ACBD4: variants seen among roughly 807,000 people sequenced by gnomAD.
The protein encoded by ACBD4 is acyl-CoA-binding domain-containing protein 4.
Under a neutral mutation model 46.0 loss-of-function variants are expected in ACBD4, and 41 were observed. The ratio of observed to expected loss-of-function variants is 0.89; its 90% CI spans 0.69 to 1.16. The LOEUF (loss-of-function observed/expected upper bound fraction) is 1.16, where lower values mean the gene tolerates loss of function less well. Ranked by LOEUF, ACBD4 falls within the 50% of genes most tolerant of loss-of-function variation. ACBD4 has a pLI of 0.00. For missense variants in ACBD4, 393 were observed against 399.5 expected, an observed-to-expected ratio of 0.98 and a Z score of 0.14; for synonymous variants, 162 against 155.9, an observed-to-expected ratio of 1.04 and a Z score of -0.29.
At chr17:45,142,337 G>A (rs2055327603) in intron 9 of ACBD4, among the ~76,000 whole-genome samples, 2 of 118,028 alleles carry the variant, frequency 1.7e-5, no homozygotes, top group African/African-American at 6.5e-5. Context: ...AGGTTGCACT[G>A]AGCCGAGATC....
In ACBD4 at chr17:45,137,825, G is replaced by A. The variant is rs552925104; in HGVS notation, c.568G>A (p.Glu190Lys). 6.2e-7 allele frequency: 1 copy of A among 1,613,898 alleles called. No individual in the cohort carries two copies. The highest frequency in any genetic ancestry group is 1.3e-5 in the African/African-American group (1 of 75,022). Reference protein sequence around the residue: ...FCDSLEQLEPELVWTEQRAAS... With the variant: ...FCDSLEQLEPKLVWTEQRAAS... ...TGATTCCCTGGAGCAGCTGGAGCCT[G>A]AGCTGGTGAGCCCAGTCCCCATTCC... The change falls in exon 7 of 10, where the codon GAG (glutamate) becomes AAG (lysine). Residue 190 changes from glutamate (E) to lysine (K), a missense_variant. Coordinates refer to ENST00000321854, the MANE Select transcript of ACBD4 (RefSeq NM_001135705.3).
chr17:45,136,105 C>A lies in ACBD4; in HGVS notation c.-37-3C>A. ...CCCCTCACACGAAGGCTGCTTCTTG[C>A]AGAGTCGCTCAAAAGTAGGGCCCCA... is the stretch of plus-strand genomic sequence containing the variant. On this transcript the variant is annotated splice_region_variant and splice_polypyrimidine_tract_variant and intron_variant, in intron 1 of 9. Transcript: ENST00000321854. The A allele has an allele frequency of 6.2e-7, 1 of 1,605,414 alleles. No homozygotes were observed. Among genetic ancestry groups the A allele is most frequent in the Non-Finnish European group, 8.5e-7 (1 of 1,176,058 alleles).
chr17:45,132,519 CTT>C (rs2054479849), upstream of ACBD4: 1 of 434,376 alleles, frequency 2.3e-6, no homozygotes, highest in Middle Eastern at 1.1e-3. The surrounding 1 kb of genome is among the most constrained non-coding windows in gnomAD (Gnocchi z 4.6). Flanking sequence ...AGCGAAGAAA[CTT>C]AGCGGCGCGG....
At chr17:45,138,945 GC>G in intron 8 of ACBD4, 75 bp from the exon 9 acceptor site, 1 of 1,520,414 alleles carries the variant, frequency 6.6e-7, no homozygotes, top group Non-Finnish European at 9.0e-7. Context: ...TCCTGGGCTT[GC>G]CCCAGCCTGC....
chr17:45,135,183 C>T (rs1730895718), upstream of ACBD4, among the ~76,000 whole-genome samples: 2 of 152,172 alleles, frequency 1.3e-5, no homozygotes, highest in Admixed American at 1.3e-4. Flanking sequence ...CCCGGCTGGT[C>T]TCGAACTCCT....
chr17:45,131,792 G>T (rs933812019), upstream of ACBD4, among the ~76,000 whole-genome samples: 4 of 152,242 alleles, frequency 2.6e-5, no homozygotes, highest in African/African-American at 9.6e-5. Context: ...CGCCTCTGTG[G>T]GGCCGCGGCT....
At chr17:45,137,690 G>A in intron 6 of ACBD4, 70 bp from the exon 7 acceptor site, 1 of 1,555,260 alleles carries the variant, frequency 6.4e-7, no homozygotes, top group South Asian at 1.1e-5. Flanking sequence ...AGGTGCTTCT[G>A]CCCAGTGCAC....
At position 45,143,983 on chromosome 17, in the gene ACBD4, T is replaced by TGGGAGGCCGCGGGAGGGAGGCC. The variant is rs1176676588; in HGVS notation, c.*413_*434dup. The TGGGAGGCCGCGGGAGGGAGGCC allele has an allele frequency of 5.0e-6, 1 of 198,044 alleles. No homozygotes were observed. Among genetic ancestry groups the TGGGAGGCCGCGGGAGGGAGGCC allele is most frequent in the African/African-American group, 2.3e-5 (1 of 42,624 alleles). The allele number at this position is 198,044 out of a possible 1,614,324, so 12.3% of individuals were successfully genotyped here. On this transcript the variant is annotated 3_prime_UTR_variant, in exon 10 of 10. Coordinates refer to ENST00000321854, the MANE Select transcript of ACBD4 (RefSeq NM_001135705.3). ...GCCGGGGCCTGGAAGAATGATTGGC[T>TGGGAGGCCGCGGGAGGGAGGCC]GGGAGGCCGCGGGAGGGAGGCCAGG...
intron 5 of ACBD4, 83 bp from the exon 6 acceptor site, chr17:45,137,285 G>A (rs1288544132): frequency 4.4e-6 from 7 of 1,597,954 alleles, no homozygotes; most frequent in East Asian, 2.2e-5. Flanking sequence ...CAGCATCCAC[G>A]GCTCATCACG....
chr17:45,134,541 C>G (rs527791103), upstream of ACBD4, among the ~76,000 whole-genome samples: 190 of 152,306 alleles, frequency 1.2e-3, no homozygotes, highest in African/African-American at 4.2e-3. Context: ...CTTTGGGAGG[C>G]CGAGGTCGGC....
intron 9 of ACBD4, 43 bp downstream of exon 9, chr17:45,139,203 G>A (rs751488776): frequency 1.5e-5 from 24 of 1,607,070 alleles, no homozygotes; most frequent in African/African-American, 2.7e-5. Flanking sequence ...GGCAGAATCC[G>A]GTCTTTATTC....
chr17:45,134,525 C>A (rs566944272), upstream of ACBD4, among the ~76,000 whole-genome samples: 1 of 152,256 alleles, frequency 6.6e-6, no homozygotes, highest in South Asian at 2.1e-4. Context: ...GCCTGTAATC[C>A]CAACACTTTG....
upstream of ACBD4, among the ~76,000 whole-genome samples, chr17:45,131,787 C>T (rs2054452838): frequency 6.6e-6 from 1 of 152,248 alleles, no homozygotes; most frequent in South Asian, 2.1e-4. Context: ...GTGGCCGCCT[C>T]TGTGGGGCCG....
At chr17:45,138,311 A>C in intron 8 of ACBD4, 2 of 449,656 alleles carry the variant, frequency 4.4e-6, no homozygotes, top group South Asian at 2.9e-5. Context: ...TATTCTCTGG[A>C]CTCCCCCGTT....
At chr17:45,136,046 C>A in intron 1 of ACBD4, 62 bp from the exon 2 acceptor site, 3 of 1,283,958 alleles carry the variant, frequency 2.3e-6, no homozygotes, top group South Asian at 2.5e-5. Flanking sequence ...GGAAGTGAAT[C>A]CTTGGCTTAT....
intron 6 of ACBD4, 76 bp from the exon 7 acceptor site, chr17:45,137,684 G>A: frequency 6.5e-7 from 1 of 1,531,150 alleles, no homozygotes; most frequent in Non-Finnish European, 9.0e-7. Context: ...CTAAACAGGT[G>A]CTTCTGCCCA....
At chr17:45,138,960 C>T (rs2055077084) in intron 8 of ACBD4, 61 bp from the exon 9 acceptor site, 3 of 1,586,622 alleles carry the variant, frequency 1.9e-6, no homozygotes, top group South Asian at 1.1e-5. Flanking sequence ...AGCCTGCCCC[C>T]ACCCTGCCCA....
At chr17:45,136,066 G>A in intron 1 of ACBD4, 42 bp from the exon 2 acceptor site, 3 of 1,463,210 alleles carry the variant, frequency 2.1e-6, no homozygotes, top group Non-Finnish European at 9.4e-7. Context: ...TGGTGCCGGG[G>A]GGACCCTGGA....
chr17:45,141,494 T>C lies in ACBD4; in HGVS notation c.790-1949T>C, dbSNP rs578234734. Among the ~76,000 whole-genome samples, 35 of 152,098 alleles carry C rather than the reference T, an allele frequency of 2.3e-4. No individual in the cohort carries two copies. The East Asian group carries it at 6.4e-3, about 28-fold the overall frequency. ...CTTGAGCCCAGGAGCTTGAGACCAG[T>C]CTGGGTAACATAGTGAGACCCTGTC... On this transcript the variant is annotated intron_variant, in intron 9 of 9. Transcript: ENST00000321854.
Sources: allele counts gnomAD v4.1 joint callset (sites outside exome capture counted in the v4.1 genomes callset), GRCh38; gene constraint gnomAD v4.1.1; non-coding constraint Gnocchi (gnomAD v3.1); transcripts MANE v1.5; gene names NCBI Gene and HGNC (gene_info 2026-07-23, HGNC 2026-07-21).